RPH3A: variants seen among roughly 807,000 people sequenced by gnomAD.
RPH3A encodes rabphilin-3A.
In RPH3A, 48 loss-of-function variants were observed where a neutral mutation model predicts 102.2. The ratio of observed to expected loss-of-function variants is 0.47; its 90% CI spans 0.37 to 0.60. The LOEUF (loss-of-function observed/expected upper bound fraction) is 0.60, where lower values mean the gene tolerates loss of function less well. RPH3A is among the 20% of genes least tolerant of loss of function. The pLI is 0.00. For synonymous variants in RPH3A, 310 were observed against 324.3 expected (o/e 0.96, Z 0.47); for missense variants, 781 against 910.1 (o/e 0.86, Z 1.83).
At chr12:112,832,577 C>T (rs1593057992) in intron 3 of RPH3A, among the ~76,000 whole-genome samples, 1 of 152,142 alleles carries the variant, frequency 6.6e-6, no homozygotes, top group Non-Finnish European at 1.5e-5. Context: ...AACTGTGGCT[C>T]ACACCTATAA....
At chr12:112,599,552 T>C (rs1448403043) in intron 1 of RPH3A, among the ~76,000 whole-genome samples, 1 of 152,178 alleles carries the variant, frequency 6.6e-6, no homozygotes, top group Admixed American at 6.5e-5. Context: ...GCAATTTGAT[T>C]TGTAGGAATT....
chr12:112,883,213 C>A, intron 15 of RPH3A, 80 bp from the exon 16 acceptor site: 1 of 1,077,288 alleles, frequency 9.3e-7, no homozygotes, highest in Non-Finnish European at 1.4e-6. Flanking sequence ...CCACCCACCC[C>A]ACGTCAGCCC....
chr12:112,580,387 G>A (rs1344274454), intron 1 of RPH3A, among the ~76,000 whole-genome samples: 1 of 123,872 alleles, frequency 8.1e-6, no homozygotes, highest in African/African-American at 3.0e-5. Context: ...AGACACTTTT[G>A]TCTTGTCTTT....
chr12:112,802,644 G>T (rs2041376628), intron 2 of RPH3A, among the ~76,000 whole-genome samples: 1 of 152,054 alleles, frequency 6.6e-6, no homozygotes, highest in Non-Finnish European at 1.5e-5. Context: ...GTGCACATGT[G>T]TGTGTTCAGG....
chr12:112,591,323 C>T (rs111340670), intron 1 of RPH3A, among the ~76,000 whole-genome samples: 1,951 of 151,316 alleles, frequency 0.013, 35 homozygotes, highest in African/African-American at 0.044. Flanking sequence ...TGGCCTCAAG[C>T]GATCCTCCCA....
intron 1 of RPH3A, among the ~76,000 whole-genome samples, chr12:112,708,535 G>A (rs574292487): frequency 6.6e-6 from 1 of 152,330 alleles, no homozygotes; most frequent in South Asian, 2.1e-4. Flanking sequence ...TAGGACCAGC[G>A]TGTGGGAGGA....
chr12:112,591,998 A>G (rs146971803), intron 1 of RPH3A, among the ~76,000 whole-genome samples: 16 of 152,286 alleles, frequency 1.1e-4, no homozygotes, highest in Admixed American at 1.0e-3. Flanking sequence ...CATGTAACCT[A>G]TGCATGTCCT....
chr12:112,581,329 T>G (rs2039399274), intron 1 of RPH3A, among the ~76,000 whole-genome samples: 1 of 152,088 alleles, frequency 6.6e-6, no homozygotes, highest in Admixed American at 6.5e-5. Context: ...CCATCAGACC[T>G]CGTGAGGCTT....
intron 1 of RPH3A, among the ~76,000 whole-genome samples, chr12:112,605,666 A>T (rs1231301728): frequency 3.9e-5 from 6 of 152,170 alleles, no homozygotes; most frequent in Non-Finnish European, 8.8e-5. Context: ...CTCTTTCTAT[A>T]TCTGCCCAGC....
At position 112,618,769 on chromosome 12, in the gene RPH3A, C is replaced by T. The variant is rs114883520; in HGVS notation, c.-140+43450C>T. On this transcript the variant is annotated intron_variant, in intron 1 of 21. Transcript: ENST00000543106. ...AGCCACTCAATTATTTTAGTATGTT[C>T]ACAGGGTTGTATGACTATCTCCACA... 7.8e-3 allele frequency among the ~76,000 whole-genome samples: 1,181 copies of T among 152,272 alleles called. 12 individuals are homozygous for T. The highest frequency in any genetic ancestry group is 0.027 in the African/African-American group (1,122 of 41,554).
intron 1 of RPH3A, among the ~76,000 whole-genome samples, chr12:112,708,038 G>A (rs924672183): frequency 5.3e-5 from 8 of 152,336 alleles, no homozygotes; most frequent in South Asian, 2.1e-4. Context: ...TGAAGAAACC[G>A]CATTCTCATG....
chr12:112,595,531 G>C (rs1032613457), intron 1 of RPH3A, among the ~76,000 whole-genome samples: 2 of 152,026 alleles, frequency 1.3e-5, no homozygotes, highest in Non-Finnish European at 2.9e-5. Context: ...CCTCATATCT[G>C]GATAAGCCAA....
At chr12:112,773,509 A>G (rs2040942637) in intron 1 of RPH3A, among the ~76,000 whole-genome samples, 2 of 152,172 alleles carry the variant, frequency 1.3e-5, no homozygotes, top group African/African-American at 4.8e-5. Context: ...CTGATGAAAC[A>G]TATTTAAATA....
At chr12:112,837,429 C>CTT (rs111870872) in intron 4 of RPH3A, among the ~76,000 whole-genome samples, 1 of 151,066 alleles carries the variant, frequency 6.6e-6, no homozygotes, top group African/African-American at 2.4e-5. Context: ...ACTTTTTCAG[C>CTT]TTTTTTTTTG....
At chr12:112,657,659 C>G (rs945801907) in intron 1 of RPH3A, among the ~76,000 whole-genome samples, 2 of 152,064 alleles carry the variant, frequency 1.3e-5, no homozygotes, top group African/African-American at 2.4e-5. Context: ...TGTGGTCCAT[C>G]ATTGACCTAA....
chr12:112,732,284 G>A (rs1031234584), intron 1 of RPH3A, among the ~76,000 whole-genome samples: 5 of 152,196 alleles, frequency 3.3e-5, no homozygotes, highest in African/African-American at 7.2e-5. Flanking sequence ...CAGTTTGGAG[G>A]TGGAGGATGA....
At chr12:112,700,391 T>C (rs924722889) in intron 1 of RPH3A, among the ~76,000 whole-genome samples, 1 of 152,232 alleles carries the variant, frequency 6.6e-6, no homozygotes, top group Admixed American at 6.5e-5. Context: ...GAAGAATTTT[T>C]GTCAGACCAT....
intron 3 of RPH3A, among the ~76,000 whole-genome samples, chr12:112,828,813 GT>G (rs2041922722): frequency 6.6e-6 from 1 of 152,262 alleles, no homozygotes; most frequent in Admixed American, 6.5e-5. Context: ...GTATGTGTAG[GT>G]TTTTTTCTTT....
At chr12:112,712,895 T>C (rs973401962) in intron 1 of RPH3A, among the ~76,000 whole-genome samples, 1 of 132,496 alleles carries the variant, frequency 7.5e-6, no homozygotes, top group Non-Finnish European at 1.6e-5. Flanking sequence ...CTTCTTCTTC[T>C]TCTTCTTCCT....
Sources: gnomAD v4.1 joint callset for allele counts (sites outside exome capture counted in the v4.1 genomes callset) on GRCh38, gnomAD v4.1.1 for gene constraint, MANE v1.5 for transcripts, NCBI Gene and HGNC (gene_info 2026-07-23, HGNC 2026-07-21) for gene names.